Variants in TRPV3 observed in about 807,000 individuals in gnomAD.
TRPV3 encodes the protein transient receptor potential cation channel subfamily V member 3.
A neutral mutation model predicts 87.1 loss-of-function variants in TRPV3; 88 were observed. The observed-to-expected ratio is 1.01, with a 90% confidence interval of 0.85 to 1.21. The LOEUF is 1.21. TRPV3 is among the 50% of genes most tolerant of loss of function. The pLI is 0.00. For synonymous variants in TRPV3, 438 were observed against 423.3 expected (o/e 1.03, Z -0.43); for missense variants, 1,054 against 1,030.1 (o/e 1.02, Z -0.32).
intron 14 of TRPV3, among the ~76,000 whole-genome samples, chr17:3,520,493 T>C (rs1315148083): frequency 1.3e-5 from 2 of 152,214 alleles, no homozygotes; most frequent in South Asian, 2.1e-4. Flanking sequence ...GCAGAACCTA[T>C]CTTAGGTCGT....
At chr17:3,524,146 G>A in intron 13 of TRPV3, 52 bp downstream of exon 13, 1 of 1,597,400 alleles carries the variant, frequency 6.3e-7, no homozygotes, top group Non-Finnish European at 8.5e-7. Flanking sequence ...TTCCCCATCT[G>A]AAAAATGGCC....
chr17:3,529,137 T>A, intron 9 of TRPV3, 142 bp from the exon 10 acceptor site: 5 of 1,013,260 alleles, frequency 4.9e-6, no homozygotes, highest in Non-Finnish European at 7.3e-6. Flanking sequence ...TTGGAAATGC[T>A]GGGAGGGTGA....
Position 3,540,757 on chromosome 17 carries a change from A to G in TRPV3, c.643+1765T>C, listed in dbSNP as rs549176282. 1.3e-3 allele frequency among the ~76,000 whole-genome samples: 204 copies of G among 152,334 alleles called. 1 individual carries two copies. Among genetic ancestry groups the G allele is most frequent in the African/African-American group, 4.7e-3 (194 of 41,584 alleles). ...AAATTAGGACAAGCAAGCTTGAGGC[A>G]CTGGCCTGAACCTCCCTGTCTGCAG... On this transcript the variant is annotated intron_variant, in intron 6 of 17. Coordinates refer to ENST00000576742, the MANE Select transcript of TRPV3 (RefSeq NM_145068.4).
At chr17:3,529,895 G>T in intron 9 of TRPV3, 132 bp downstream of exon 9, 2 of 999,840 alleles carry the variant, frequency 2.0e-6, no homozygotes, top group Non-Finnish European at 2.8e-6. Context: ...GCTCACTGAG[G>T]CAACAGAGTG....
At chr17:3,545,547 G>C (rs565102614) in intron 2 of TRPV3, among the ~76,000 whole-genome samples, 1 of 152,252 alleles carries the variant, frequency 6.6e-6, no homozygotes, top group Non-Finnish European at 1.5e-5. Context: ...GGTTTATTTT[G>C]CCAAGGTTGA....
chr17:3,526,825 G>A, intron 12 of TRPV3, 29 bp downstream of exon 12: 1 of 1,588,564 alleles, frequency 6.3e-7, no homozygotes, highest in Non-Finnish European at 8.6e-7. Flanking sequence ...TGCCTGTGAG[G>A]CGATAACCAA....
At chr17:3,545,407 C>T (rs1157766399) in intron 2 of TRPV3, 136 bp from the exon 3 acceptor site, 1 of 596,470 alleles carries the variant, frequency 1.7e-6, no homozygotes, top group Non-Finnish European at 3.0e-6. Flanking sequence ...ATGGCCTTGC[C>T]CAGCCCTCCC....
chr17:3,524,052 G>A (rs989424303), intron 13 of TRPV3, 146 bp downstream of exon 13: 47 of 1,117,846 alleles, frequency 4.2e-5, no homozygotes, highest in Admixed American at 6.8e-5. Context: ...AAGCCTGGCC[G>A]AAAGCAAAGG....
intron 2 of TRPV3, among the ~76,000 whole-genome samples, chr17:3,550,365 G>A (rs2150806865): frequency 6.6e-6 from 1 of 152,100 alleles, no homozygotes. Flanking sequence ...ACAAGAGTGT[G>A]TATCCACTTC....
intron 17 of TRPV3, 143 bp from the exon 18 acceptor site, chr17:3,514,154 C>T: frequency 1.6e-6 from 1 of 639,664 alleles, no homozygotes; most frequent in South Asian, 2.2e-5. Context: ...TCTCAGCTCA[C>T]TGCAACCTCC....
At chr17:3,523,576 A>G (rs553497107) in intron 13 of TRPV3, among the ~76,000 whole-genome samples, 11 of 152,036 alleles carry the variant, frequency 7.2e-5, no homozygotes, top group African/African-American at 2.7e-4. Flanking sequence ...AAAATTAGCC[A>G]ACATGGTGGT....
At chr17:3,550,162 G>C (rs2074560757) in intron 2 of TRPV3, among the ~76,000 whole-genome samples, 1 of 152,194 alleles carries the variant, frequency 6.6e-6, no homozygotes. Context: ...AATGTTGGGA[G>C]GTTGCATCCT....
At chr17:3,543,076 G>C (rs539461978) in intron 5 of TRPV3, among the ~76,000 whole-genome samples, 1 of 151,412 alleles carries the variant, frequency 6.6e-6, no homozygotes, top group African/African-American at 2.4e-5. Context: ...AGACACCCAG[G>C]GCTCCACCAG....
intron 15 of TRPV3, among the ~76,000 whole-genome samples, chr17:3,517,709 G>C (rs1316831061): frequency 6.6e-6 from 1 of 150,430 alleles, no homozygotes; most frequent in Non-Finnish European, 1.5e-5. Flanking sequence ...GTAACCCCAT[G>C]TACATCTGCC....
In TRPV3 at chr17:3,540,311, G is replaced by C. The variant is rs962721505; in HGVS notation, c.643+2211C>G. Among the ~76,000 whole-genome samples the C allele has an allele frequency of 5.9e-5, 9 of 152,154 alleles. No individual in the cohort carries two copies. The South Asian group carries it at 1.9e-3, about 32-fold the overall frequency. ...GGAGGAAATGCTAAGAGGAAGGAAG[G>C]CACCAGCGGATGGGTCAGAACGGTG... On this transcript the variant is annotated intron_variant, in intron 6 of 17. Coordinates refer to ENST00000576742, the MANE Select transcript of TRPV3 (RefSeq NM_145068.4).
intron 17 of TRPV3, chr17:3,514,259 A>G: frequency 4.1e-6 from 2 of 486,518 alleles, no homozygotes; most frequent in Non-Finnish European, 7.4e-6. Flanking sequence ...TTGTATCTTT[A>G]GTAGAGACAA....
rs2074317815 is a variant in TRPV3, at chr17:3,528,245, A to G, written c.1402-119T>C. The G allele has an allele frequency of 5.8e-6, 4 of 687,352 alleles. No individual in the cohort carries two copies. Among genetic ancestry groups the G allele is most frequent in the Admixed American group, 5.7e-5 (2 of 34,984 alleles). The allele number at this position is 687,352 out of a possible 1,614,324, so 42.6% of individuals were successfully genotyped here. On this transcript the variant is annotated intron_variant, in intron 10 of 17. Transcript: ENST00000576742. This position sits in a 1 kb window ranked among gnomAD's most constrained non-coding sequence, Gnocchi z 4.2. ...AAGCCGGGCCAGAGACCAGCATGAAACCTGATCTCTGTACAGGGCAAGAGA... is the reference window on the plus strand; with the variant it reads ...AAGCCGGGCCAGAGACCAGCATGAAGCCTGATCTCTGTACAGGGCAAGAGA...
Position 3,532,941 on chromosome 17 carries a change from G to A in TRPV3, c.785-4C>T. On this transcript the variant is annotated splice_polypyrimidine_tract_variant and splice_region_variant and intron_variant, in intron 7 of 17. Coordinates refer to ENST00000576742, the MANE Select transcript of TRPV3 (RefSeq NM_145068.4). ...GCCAGGGCCAGGGGCGTCTCACCTG[G>A]GGGATGAGCGCACTGAAGCTTGGTT... The A allele has an allele frequency of 6.2e-7, 1 of 1,613,302 alleles. No homozygotes were observed. The highest frequency in any genetic ancestry group is 1.3e-5 in the African/African-American group (1 of 75,028).
At chr17:3,555,172 C>T (rs1435981136) in intron 1 of TRPV3, among the ~76,000 whole-genome samples, 1 of 151,316 alleles carries the variant, frequency 6.6e-6, no homozygotes, top group Non-Finnish European at 1.5e-5. Flanking sequence ...GACCCCTGAA[C>T]TAGTGGAGAG....
Sources: allele counts gnomAD v4.1 joint callset (sites outside exome capture counted in the v4.1 genomes callset), GRCh38; gene constraint gnomAD v4.1.1; non-coding constraint Gnocchi (gnomAD v3.1); transcripts MANE v1.5; gene names NCBI Gene and HGNC (gene_info 2026-07-23, HGNC 2026-07-21).